MED13L: variants seen among roughly 807,000 people sequenced by gnomAD.
MED13L encodes the protein mediator of RNA polymerase II transcription subunit 13-like.
A neutral mutation model predicts 220.9 loss-of-function variants in MED13L; 7 were observed. That is an observed-to-expected ratio of 0.03 (90% CI 0.02 to 0.06). The LOEUF is 0.06. Among genes scored for constraint, MED13L ranks in the 10% least tolerant of loss-of-function variants. The probability of loss-of-function intolerance (pLI) is 1.00; values close to 1 mark genes in which losing one functional copy is unlikely to be tolerated. For missense variants in MED13L, 1,965 were observed against 2,760.5 expected (o/e 0.71, Z 6.46); for synonymous variants, 1,011 against 1,015.2 (o/e 1.00, Z 0.08).
At chr12:116,265,653 AAATT>A (rs1238465047) in intron 1 of MED13L, among the ~76,000 whole-genome samples, 2 of 152,200 alleles carry the variant, frequency 1.3e-5, no homozygotes, top group Non-Finnish European at 2.9e-5. Context: ...AGAAAACTGA[AAATT>A]ATTTTAACAT....
At chr12:116,018,912 CA>C (rs145679330) in intron 7 of MED13L, among the ~76,000 whole-genome samples, 6 of 143,316 alleles carry the variant, frequency 4.2e-5, no homozygotes, top group Non-Finnish European at 9.2e-5. Context: ...AAAAAAAAAA[CA>C]AAAAAAAACC....
intron 4 of MED13L, among the ~76,000 whole-genome samples, chr12:116,026,085 T>C (rs963217290): frequency 2.0e-5 from 3 of 151,652 alleles, no homozygotes; most frequent in African/African-American, 7.3e-5. Context: ...AAGGAACAGA[T>C]GTGGTTAAGA....
At chr12:116,172,897 G>C (rs542514398) in intron 2 of MED13L, among the ~76,000 whole-genome samples, 1 of 144,660 alleles carries the variant, frequency 6.9e-6, no homozygotes, top group East Asian at 2.0e-4. Flanking sequence ...CCACACTGTA[G>C]CATTATGTTC....
intron 2 of MED13L, among the ~76,000 whole-genome samples, chr12:116,125,299 AT>A (rs903324049): frequency 1.3e-5 from 2 of 152,174 alleles, no homozygotes; most frequent in Admixed American, 1.3e-4. Flanking sequence ...GTGTGATCCC[AT>A]CTCAATCAAT....
At chr12:116,140,543 A>G (rs1876978366) in intron 2 of MED13L, among the ~76,000 whole-genome samples, 1 of 152,228 alleles carries the variant, frequency 6.6e-6, no homozygotes, top group East Asian at 1.9e-4. Context: ...CTCTCATGAA[A>G]TGTTGCTATC....
At chr12:116,263,152 C>G (rs531599300) in intron 1 of MED13L, among the ~76,000 whole-genome samples, 1 of 151,880 alleles carries the variant, frequency 6.6e-6, no homozygotes, top group Non-Finnish European at 1.5e-5. Flanking sequence ...TTTTGAAGTA[C>G]CTTTTCTTAT....
intron 25 of MED13L, among the ~76,000 whole-genome samples, chr12:115,973,972 C>T (rs935020100): frequency 6.6e-6 from 1 of 151,966 alleles, no homozygotes; most frequent in Non-Finnish European, 1.5e-5. Flanking sequence ...GGCATTCCTA[C>T]AGTGCAAGTT....
intron 3 of MED13L, among the ~76,000 whole-genome samples, chr12:116,097,398 A>C (rs1406131548): frequency 6.6e-6 from 1 of 152,174 alleles, no homozygotes; most frequent in African/African-American, 2.4e-5. Context: ...CACCCGCCTC[A>C]GCCTCCCAAA....
chr12:116,254,012 C>T (rs1279489786), intron 1 of MED13L, among the ~76,000 whole-genome samples: 2 of 151,930 alleles, frequency 1.3e-5, no homozygotes, highest in Non-Finnish European at 2.9e-5. Context: ...CCACCCACCT[C>T]GGCCTCCCAA....
intron 2 of MED13L, among the ~76,000 whole-genome samples, chr12:116,176,298 T>C (rs541785843): frequency 6.6e-6 from 1 of 152,330 alleles, no homozygotes; most frequent in African/African-American, 2.4e-5. Flanking sequence ...TTTGTCTTCA[T>C]GTAACCCACA....
chr12:116,099,227 A>G (rs1872861021), intron 3 of MED13L, among the ~76,000 whole-genome samples: 1 of 152,200 alleles, frequency 6.6e-6, no homozygotes, highest in South Asian at 2.1e-4. Flanking sequence ...AATAATTAGC[A>G]TATACCAACT....
chr12:116,139,222 G>A (rs1260561872), intron 2 of MED13L, among the ~76,000 whole-genome samples: 2 of 152,010 alleles, frequency 1.3e-5, no homozygotes, highest in African/African-American at 4.8e-5. Context: ...AACATTTCAC[G>A]GTTTGAAAAA....
chr12:116,047,980 G>A (rs140453901), intron 4 of MED13L, among the ~76,000 whole-genome samples: 2 of 151,938 alleles, frequency 1.3e-5, no homozygotes, highest in Non-Finnish European at 2.9e-5. Context: ...TTTTCATGTA[G>A]TGTTGGGAAA....
intron 2 of MED13L, among the ~76,000 whole-genome samples, chr12:116,217,040 T>C (rs893909135): frequency 2.0e-5 from 3 of 152,232 alleles, no homozygotes; most frequent in Non-Finnish European, 4.4e-5. Context: ...ACTTTTTTAA[T>C]GCTTTGGTGA....
In MED13L at chr12:116,155,678, C is replaced by G. The variant is rs555326350; in HGVS notation, c.311-44166G>C. On this transcript the variant is annotated intron_variant, in intron 2 of 30. Coordinates refer to ENST00000281928, the MANE Select transcript of MED13L (RefSeq NM_015335.5). ...CTGAAGTTACATTTTGCCACACAGT[C>G]TTCAACAAAGAATGTATGGTTCACA... 4.6e-5 allele frequency among the ~76,000 whole-genome samples: 7 copies of G among 152,142 alleles called. No homozygotes were observed. The South Asian group carries it at 1.5e-3, about 32-fold the overall frequency.
At chr12:116,052,572 G>A (rs1019246822) in intron 4 of MED13L, among the ~76,000 whole-genome samples, 2 of 152,172 alleles carry the variant, frequency 1.3e-5, no homozygotes, top group Admixed American at 1.3e-4. Flanking sequence ...TGATCTTTGT[G>A]GGGGAAAAGT....
At chr12:116,048,101 C>T (rs1312594372) in intron 4 of MED13L, among the ~76,000 whole-genome samples, 1 of 151,674 alleles carries the variant, frequency 6.6e-6, no homozygotes, top group Non-Finnish European at 1.5e-5. Flanking sequence ...AGCAACTTTA[C>T]TTTTAATTGT....
intron 2 of MED13L, among the ~76,000 whole-genome samples, chr12:116,186,574 C>A (rs1407901276): frequency 6.6e-6 from 1 of 152,108 alleles, no homozygotes; most frequent in Non-Finnish European, 1.5e-5. Flanking sequence ...GACACTAAGT[C>A]CACTATACAG....
intron 2 of MED13L, chr12:116,174,475 C>T (rs1474736873): frequency 1.3e-5 from 2 of 149,830 alleles, no homozygotes; most frequent in Admixed American, 6.7e-5. Context: ...TTTACAAACT[C>T]GTTTTTGTTT....
Sources: gnomAD v4.1 joint callset for allele counts (sites outside exome capture counted in the v4.1 genomes callset) on GRCh38, gnomAD v4.1.1 for gene constraint, MANE v1.5 for transcripts, NCBI Gene and HGNC (gene_info 2026-07-23, HGNC 2026-07-21) for gene names.